The following PTPRO variants were observed in gnomAD, a reference collection of about 807,000 sequenced individuals.
The protein encoded by PTPRO is protein tyrosine phosphatase receptor type O, also known as receptor-type tyrosine-protein phosphatase O.
PTPRO carries 62 observed loss-of-function variants against 145.2 expected under a neutral mutation model. That is an observed-to-expected ratio of 0.43 (90% CI 0.35 to 0.53). PTPRO has a LOEUF of 0.53. Ranked by LOEUF, PTPRO falls within the 20% of genes least tolerant of loss-of-function variation. The pLI, the probability that PTPRO is intolerant of heterozygous loss-of-function variation, is 0.01. For missense variants in PTPRO, 1,345 were observed against 1,482.7 expected (o/e 0.91, Z 1.53); for synonymous variants, 565 against 514.7 (o/e 1.10, Z -1.32).
At chr12:15,412,981 T>C (rs1939841200) in intron 1 of PTPRO, among the ~76,000 whole-genome samples, 1 of 152,042 alleles carries the variant, frequency 6.6e-6, no homozygotes, top group African/African-American at 2.4e-5. Context: ...TTAGTAGAGA[T>C]GGGGTTTCCC....
chr12:15,368,207 G>A (rs1239569750), intron 1 of PTPRO, among the ~76,000 whole-genome samples: 1 of 151,978 alleles, frequency 6.6e-6, no homozygotes, highest in Non-Finnish European at 1.5e-5. Flanking sequence ...GCTTGCTCTG[G>A]CCCATGGCTT....
intron 1 of PTPRO, among the ~76,000 whole-genome samples, chr12:15,451,927 C>A (rs1427817804): frequency 6.6e-6 from 1 of 152,002 alleles, no homozygotes; most frequent in Non-Finnish European, 1.5e-5. Context: ...AAGGTCACAC[C>A]TCAAGGAACT....
rs377304088 is a variant in PTPRO at position 15,474,287 on chromosome 12, A to G, written c.76-9687A>G. The stretch of plus-strand genomic sequence containing the variant: ...TTTGTCCTTGCCCCGCAGCCCAGGA[A>G]CTCGTCCTGTGTTATTCTCCTCTTT... On this transcript the variant is annotated intron_variant, in intron 1 of 26. Coordinates refer to ENST00000281171, the MANE Select transcript of PTPRO (RefSeq NM_030667.3). Among the ~76,000 whole-genome samples, 60 of 152,104 alleles carry G rather than the reference A, an allele frequency of 3.9e-4. 1 individual carries two copies. The South Asian group carries it at 0.011, about 28-fold the overall frequency.
chr12:15,447,894 T>A (rs148294750), intron 1 of PTPRO, among the ~76,000 whole-genome samples: 1 of 152,242 alleles, frequency 6.6e-6, no homozygotes, highest in Non-Finnish European at 1.5e-5. Flanking sequence ...TGAGGGAAAT[T>A]GTGGATTTCA....
At chr12:15,353,839 C>T (rs1937892417) in intron 1 of PTPRO, among the ~76,000 whole-genome samples, 1 of 152,112 alleles carries the variant, frequency 6.6e-6, no homozygotes, top group Non-Finnish European at 1.5e-5. Flanking sequence ...TTTGATTCTG[C>T]TTTGTTTTCA....
intron 19 of PTPRO, among the ~76,000 whole-genome samples, chr12:15,571,066 A>G (rs1289712631): frequency 6.6e-6 from 1 of 152,200 alleles, no homozygotes; most frequent in Non-Finnish European, 1.5e-5. Context: ...ATCTCATACA[A>G]TCAAAGAAAA....
At chr12:15,589,301 G>A (rs1351623695) in intron 24 of PTPRO, among the ~76,000 whole-genome samples, 154 bp from the exon 25 acceptor site, 3 of 151,562 alleles carry the variant, frequency 2.0e-5, no homozygotes, top group African/African-American at 4.9e-5. Context: ...ACTTGAAGCC[G>A]AGAGGCAGAG....
chr12:15,406,323 T>A (rs539567000), intron 1 of PTPRO, among the ~76,000 whole-genome samples: 1 of 152,314 alleles, frequency 6.6e-6, no homozygotes, highest in South Asian at 2.1e-4. Context: ...GATAAATGAT[T>A]TCTGTAAGCC....
chr12:15,474,857 A>G (rs1941620510), intron 1 of PTPRO, among the ~76,000 whole-genome samples: 1 of 152,230 alleles, frequency 6.6e-6, no homozygotes, highest in Non-Finnish European at 1.5e-5. Context: ...AAGGTAAAGA[A>G]GACAGAGTAG....
intron 1 of PTPRO, among the ~76,000 whole-genome samples, chr12:15,400,082 G>A (rs1158003378): frequency 6.8e-6 from 1 of 146,192 alleles, no homozygotes; most frequent in Non-Finnish European, 1.5e-5. Context: ...AGCCAGGTTC[G>A]AGGGTTCAAG....
At chr12:15,478,061 C>T (rs780594357) in intron 1 of PTPRO, among the ~76,000 whole-genome samples, 4 of 152,174 alleles carry the variant, frequency 2.6e-5, no homozygotes, top group Non-Finnish European at 4.4e-5. Context: ...CCTACATTCT[C>T]AATTCATTTT....
chr12:15,334,765 G>C (rs1252504996), intron 1 of PTPRO, among the ~76,000 whole-genome samples: 1 of 152,042 alleles, frequency 6.6e-6, no homozygotes, highest in Non-Finnish European at 1.5e-5. Context: ...AGGAGTTTTT[G>C]CTCCTGCCTT....
intron 6 of PTPRO, among the ~76,000 whole-genome samples, chr12:15,505,355 C>T (rs141994837): frequency 3.0e-4 from 45 of 152,264 alleles, no homozygotes; most frequent in African/African-American, 1.0e-3. Context: ...TGGAGTTATA[C>T]TGTTTGCATA....
chr12:15,441,415 A>G (rs1296849554), intron 1 of PTPRO, among the ~76,000 whole-genome samples: 1 of 152,188 alleles, frequency 6.6e-6, no homozygotes, highest in Non-Finnish European at 1.5e-5. Flanking sequence ...AAAGATCTCA[A>G]ATTAACGATC....
At chr12:15,567,940 A>C (rs1488528575) in intron 18 of PTPRO, among the ~76,000 whole-genome samples, 3 of 152,168 alleles carry the variant, frequency 2.0e-5, no homozygotes, top group Non-Finnish European at 4.4e-5. Context: ...GCATGTGACT[A>C]TTTATGAAGT....
At chr12:15,576,841 T>G (rs918522968) in intron 19 of PTPRO, among the ~76,000 whole-genome samples, 2 of 152,222 alleles carry the variant, frequency 1.3e-5, no homozygotes, top group African/African-American at 4.8e-5. Flanking sequence ...ATAAGTGGCA[T>G]GTCAGAATAT....
intron 1 of PTPRO, among the ~76,000 whole-genome samples, chr12:15,377,376 G>A (rs1938719756): frequency 6.6e-6 from 1 of 151,944 alleles, no homozygotes. Context: ...AATGATGTCA[G>A]AAAAGATTTT....
intron 15 of PTPRO, among the ~76,000 whole-genome samples, chr12:15,555,279 C>T (rs947366932): frequency 5.3e-5 from 8 of 151,974 alleles, no homozygotes; most frequent in Admixed American, 4.6e-4. Context: ...ATATAAATTG[C>T]GTTAGAGCTT....
chr12:15,395,234 G>A (rs555527191), intron 1 of PTPRO, among the ~76,000 whole-genome samples: 70 of 152,226 alleles, frequency 4.6e-4, no homozygotes, highest in African/African-American at 1.7e-3. Flanking sequence ...ATCACGGCAG[G>A]GTGAGAAGTG....
Sources: allele counts gnomAD v4.1 joint callset (sites outside exome capture counted in the v4.1 genomes callset), GRCh38; gene constraint gnomAD v4.1.1; transcripts MANE v1.5; gene names NCBI Gene and HGNC (gene_info 2026-07-23, HGNC 2026-07-21).